CPQ: variants seen among roughly 807,000 people sequenced by gnomAD.
The protein encoded by CPQ is carboxypeptidase Q, also known as Ser-Met dipeptidase.
CPQ carries 37 observed loss-of-function variants against 45.7 expected under a neutral mutation model. The ratio of observed to expected loss-of-function variants is 0.81; its 90% CI spans 0.62 to 1.07. The LOEUF (loss-of-function observed/expected upper bound fraction) is 1.07, where lower values mean the gene tolerates loss of function less well. Among genes scored for constraint, CPQ ranks in the 50% least tolerant of loss-of-function variants. The pLI is 0.00. For synonymous variants in CPQ, 186 were observed against 205.8 expected, an observed-to-expected ratio of 0.90 and a Z score of 0.82; for missense variants, 537 against 572.9, an observed-to-expected ratio of 0.94 and a Z score of 0.64.
At position 97,130,965 on chromosome 8, in the gene CPQ, T is replaced by C. The variant is rs958996142; in HGVS notation, c.1256-12055T>C. On this transcript the variant is annotated intron_variant, in intron 7 of 7. Transcript: ENST00000220763. Reference sequence around the variant, plus strand: ...AAAGAGGCTGCGTTGAGCTGCCAAATGGGACGCTGCCAGGTGACCAAGAAA... The same window carrying C: ...AAAGAGGCTGCGTTGAGCTGCCAAACGGGACGCTGCCAGGTGACCAAGAAA... Among the ~76,000 whole-genome samples the C allele has an allele frequency of 2.0e-5, 3 of 152,148 alleles. 1 individual carries two copies. The highest frequency in any genetic ancestry group is 7.2e-5 in the African/African-American group (3 of 41,424).
chr8:96,648,260 G>A (rs1483790866), intron 1 of CPQ, among the ~76,000 whole-genome samples: 4 of 152,124 alleles, frequency 2.6e-5, no homozygotes, highest in Admixed American at 2.0e-4. Context: ...TTTCTGCCCC[G>A]AAGGCTGGTG....
chr8:96,749,546 G>C (rs1166640526), intron 1 of CPQ, among the ~76,000 whole-genome samples: 1 of 152,158 alleles, frequency 6.6e-6, no homozygotes. Context: ...AGACCTTCTA[G>C]GGCTGGATAT....
At chr8:96,932,653 C>T (rs987070930) in intron 4 of CPQ, among the ~76,000 whole-genome samples, 2 of 152,156 alleles carry the variant, frequency 1.3e-5, no homozygotes, top group African/African-American at 4.8e-5. Context: ...CCCCTTGGTC[C>T]TCCTGTCTTT....
At chr8:96,696,453 A>T (rs939365648) in intron 1 of CPQ, among the ~76,000 whole-genome samples, 25 of 144,442 alleles carry the variant, frequency 1.7e-4, no homozygotes, top group East Asian at 5.8e-4. Context: ...ATAATAAATT[A>T]AAAAAAAAGA....
chr8:96,658,407 A>G (rs1194344776), intron 1 of CPQ, among the ~76,000 whole-genome samples: 1 of 152,226 alleles, frequency 6.6e-6, no homozygotes, highest in Non-Finnish European at 1.5e-5. Context: ...GGCCAAACAC[A>G]TATACTCTTT....
At chr8:97,057,783 A>C (rs1320083028) in intron 6 of CPQ, among the ~76,000 whole-genome samples, 1 of 152,080 alleles carries the variant, frequency 6.6e-6, no homozygotes, top group Non-Finnish European at 1.5e-5. Flanking sequence ...GAGAGCCTTA[A>C]ATTTTTGCAG....
intron 4 of CPQ, among the ~76,000 whole-genome samples, chr8:96,914,562 C>T (rs1195219521): frequency 2.0e-5 from 3 of 152,118 alleles, no homozygotes; most frequent in Non-Finnish European, 4.4e-5. Context: ...TAGTAATTTT[C>T]CCTGCAGCTT....
intron 1 of CPQ, among the ~76,000 whole-genome samples, chr8:96,655,178 T>C (rs1026312103): frequency 6.6e-6 from 1 of 152,128 alleles, no homozygotes; most frequent in Non-Finnish European, 1.5e-5. Flanking sequence ...TTTTTCTCTC[T>C]CTTCGTCTTC....
At chr8:97,009,188 G>C (rs1016429993) in intron 5 of CPQ, among the ~76,000 whole-genome samples, 1 of 152,216 alleles carries the variant, frequency 6.6e-6, no homozygotes, top group African/African-American at 2.4e-5. Flanking sequence ...GTCAGGCGCT[G>C]AGCACTTGTT....
intron 6 of CPQ, among the ~76,000 whole-genome samples, chr8:97,054,525 T>G (rs1205311989): frequency 6.6e-6 from 1 of 152,218 alleles, no homozygotes; most frequent in East Asian, 1.9e-4. Context: ...TAAACCTAAC[T>G]GTCCATCAAT....
At chr8:97,104,573 G>A (rs932877920) in intron 7 of CPQ, among the ~76,000 whole-genome samples, 5 of 152,154 alleles carry the variant, frequency 3.3e-5, no homozygotes, top group African/African-American at 9.7e-5. Flanking sequence ...ACATTTATTA[G>A]CAAGTAAACA....
rs199735268 is a variant in CPQ, at chr8:96,952,208, C to CCAT, written c.850-13725_850-13723dup. ...AAAGCAGTCAAAAGTAGCTTCTGCC[C>CCAT]CATCTTTAGTGAAGCATACAGAGGG... On this transcript the variant is annotated intron_variant, in intron 4 of 7. Transcript: ENST00000220763. 8.5e-3 allele frequency among the ~76,000 whole-genome samples: 1,295 copies of CCAT among 152,162 alleles called. 28 individuals are homozygous for CCAT. Among genetic ancestry groups the CCAT allele is most frequent in the African/African-American group, 0.03 (1,243 of 41,518 alleles).
At chr8:96,983,455 A>C (rs1228161232) in intron 5 of CPQ, among the ~76,000 whole-genome samples, 1 of 152,110 alleles carries the variant, frequency 6.6e-6, no homozygotes, top group African/African-American at 2.4e-5. Flanking sequence ...ATAGAATACC[A>C]ACTTTTTGTT....
In CPQ at chr8:97,055,371, G is replaced by A. The variant is rs1257551194; in HGVS notation, c.1054-10638G>A. Among the ~76,000 whole-genome samples, 7 of 152,224 alleles carry A rather than the reference G, an allele frequency of 4.6e-5. No individual in the cohort carries two copies. In the East Asian group the frequency reaches 7.7e-4, roughly 17 times the overall value. ...AAGTCAGCTGATGTAATTGGATAGA[G>A]ATGGTTTTGTGGCTAACTTTTTCAG... On this transcript the variant is annotated intron_variant, in intron 6 of 7. Transcript: ENST00000220763.
At chr8:96,830,572 A>T (rs1230996237) in intron 2 of CPQ, among the ~76,000 whole-genome samples, 5 of 152,150 alleles carry the variant, frequency 3.3e-5, no homozygotes, top group African/African-American at 1.2e-4. Context: ...AATAGACTAT[A>T]GCCAAAAGAG....
intron 1 of CPQ, among the ~76,000 whole-genome samples, chr8:96,751,745 T>A (rs573995398): frequency 1.3e-5 from 2 of 152,308 alleles, no homozygotes; most frequent in Admixed American, 6.5e-5. Flanking sequence ...TGCCTAGATT[T>A]TGTTCTAGGT....
At chr8:97,059,346 G>T (rs1031406598) in intron 6 of CPQ, among the ~76,000 whole-genome samples, 18 of 152,148 alleles carry the variant, frequency 1.2e-4, no homozygotes, top group African/African-American at 4.3e-4. Context: ...GCATGTGTTA[G>T]GTTTCCCGCT....
chr8:96,923,812 A>G (rs1586453408), intron 4 of CPQ, among the ~76,000 whole-genome samples: 1 of 152,210 alleles, frequency 6.6e-6, no homozygotes, highest in East Asian at 1.9e-4. Flanking sequence ...AAAGGGGGAA[A>G]AAAAACAACA....
chr8:97,061,483 G>A (rs1394119936), intron 6 of CPQ, among the ~76,000 whole-genome samples: 1 of 152,116 alleles, frequency 6.6e-6, no homozygotes, highest in Admixed American at 6.6e-5. Flanking sequence ...GCACTGCTTA[G>A]GAGGTAGAAG....
Sources: gnomAD v4.1 joint callset for allele counts (sites outside exome capture counted in the v4.1 genomes callset) on GRCh38, gnomAD v4.1.1 for gene constraint, MANE v1.5 for transcripts, NCBI Gene and HGNC (gene_info 2026-07-23, HGNC 2026-07-21) for gene names.